GPALPP1: variants seen among roughly 807,000 people sequenced by gnomAD.
The protein encoded by GPALPP1 is GPALPP motifs-containing protein 1.
GPALPP1 carries 30 observed loss-of-function variants against 38.9 expected under a neutral mutation model. The observed-to-expected ratio is 0.77, with a 90% CI of 0.58 to 1.05. GPALPP1 has a LOEUF of 1.05. Among genes scored for constraint, GPALPP1 ranks in the 50% least tolerant of loss-of-function variants. The probability of loss-of-function intolerance (pLI) is 0.00; values close to 1 mark genes in which losing one functional copy is unlikely to be tolerated. For missense variants in GPALPP1, 384 were observed against 408.8 expected, an observed-to-expected ratio of 0.94 and a Z score of 0.52; for synonymous variants, 120 against 139.2, an observed-to-expected ratio of 0.86 and a Z score of 0.97.
chr13:45,031,889 G>C (rs528924080), downstream of GPALPP1: 2 of 152,124 alleles, frequency 1.3e-5, no homozygotes, highest in African/African-American at 4.8e-5. Flanking sequence ...ACATTTCTTG[G>C]CCAAGTGTCA....
In GPALPP1 at chr13:45,005,890, G is replaced by A. The variant is rs147084525; in HGVS notation, c.222-312G>A. ...AAAATACAAAAATTAGCTGGGCGTG[G>A]TGGCGCTTCCCTGTAATCCCAGCTA... On this transcript the variant is annotated intron_variant, in intron 2 of 7. Transcript: ENST00000379151. 1.9e-3 allele frequency among the ~76,000 whole-genome samples: 285 copies of A among 152,200 alleles called. 2 individuals are homozygous for A. Among genetic ancestry groups the A allele is most frequent in the African/African-American group, 6.6e-3 (275 of 41,536 alleles).
chr13:45,011,571 A>C (rs942588165), intron 4 of GPALPP1, among the ~76,000 whole-genome samples: 3 of 152,118 alleles, frequency 2.0e-5, no homozygotes, highest in African/African-American at 7.2e-5. Flanking sequence ...AAACCATCAG[A>C]TCTTGTGAGA....
chr13:45,026,716 A>C (rs903294319), intron 7 of GPALPP1, among the ~76,000 whole-genome samples: 34 of 152,310 alleles, frequency 2.2e-4, no homozygotes, highest in African/African-American at 8.2e-4. Flanking sequence ...CATTTCAATA[A>C]AAGGTAAAAT....
In GPALPP1 at chr13:45,004,388, G is replaced by A. The variant is rs749852854; in HGVS notation, c.172G>A (p.Glu58Lys). 17 of 1,607,962 alleles carry A rather than the reference G, an allele frequency of 1.1e-5. No individual in the cohort carries two copies. Among genetic ancestry groups the A allele is most frequent in the East Asian group, 2.2e-5 (1 of 44,828 alleles). Residue 58 changes from glutamate to lysine, a missense_variant, in exon 2 of 8, where the codon GAA (glutamate) becomes AAA (lysine). Coordinates refer to ENST00000379151, the MANE Select transcript of GPALPP1 (RefSeq NM_018559.5). Reference sequence around the variant, plus strand: ...CGATGAAGACAGTAGTTCTTTGTACGAAGAAGGAAATCAAGAATCTGAAGA... The same window carrying A: ...CGATGAAGACAGTAGTTCTTTGTACAAAGAAGGAAATCAAGAATCTGAAGA... ...DSDEDSSSLY[E>K]EGNQESEEDD...
intron 5 of GPALPP1, 21 bp from the exon 6 acceptor site, chr13:45,015,411 T>TTA: frequency 6.9e-7 from 1 of 1,457,558 alleles, no homozygotes; most frequent in South Asian, 1.3e-5. Context: ...TTCTATGCTG[T>TTA]GTTTTTTTTT....
At chr13:44,993,639 G>A (rs558982819) in intron 1 of GPALPP1, among the ~76,000 whole-genome samples, 3 of 150,432 alleles carry the variant, frequency 2.0e-5, no homozygotes, top group Admixed American at 6.6e-5. Flanking sequence ...CCGAGATCGC[G>A]CCACTGCACT....
intron 7 of GPALPP1, among the ~76,000 whole-genome samples, chr13:45,022,549 C>T (rs901376933): frequency 1.3e-5 from 2 of 152,116 alleles, no homozygotes; most frequent in East Asian, 1.9e-4. Flanking sequence ...TAATCTGAAG[C>T]CTGAAAGCTG....
downstream of GPALPP1, chr13:45,033,982 C>T (rs940927331): frequency 6.6e-6 from 1 of 152,020 alleles, no homozygotes; most frequent in African/African-American, 2.4e-5. Flanking sequence ...CTCTCTAACT[C>T]CCAAATTGAA....
intron 4 of GPALPP1, among the ~76,000 whole-genome samples, chr13:45,011,646 G>T (rs1402863596): frequency 1.3e-5 from 2 of 152,150 alleles, no homozygotes; most frequent in Admixed American, 1.3e-4. Flanking sequence ...TCTCCACCTG[G>T]TCCCTCCGAC....
At chr13:45,023,971 C>A (rs1029727926) in intron 7 of GPALPP1, among the ~76,000 whole-genome samples, 1 of 152,198 alleles carries the variant, frequency 6.6e-6, no homozygotes, top group Admixed American at 6.5e-5. Flanking sequence ...GGTTCCACAT[C>A]CCGTGGATCA....
intron 7 of GPALPP1, among the ~76,000 whole-genome samples, chr13:45,022,898 A>T (rs1875526817): frequency 6.6e-6 from 1 of 152,094 alleles, no homozygotes; most frequent in Non-Finnish European, 1.5e-5. Flanking sequence ...AAAATTAGCC[A>T]GGTCTGGTGG....
At chr13:45,010,696 C>A (rs981573577) in intron 4 of GPALPP1, among the ~76,000 whole-genome samples, 4 of 152,256 alleles carry the variant, frequency 2.6e-5, no homozygotes, top group Admixed American at 2.0e-4. Context: ...GAGAAAAAGT[C>A]TTTTTCAGCC....
intron 6 of GPALPP1, among the ~76,000 whole-genome samples, chr13:45,016,919 G>A (rs1175760966): frequency 4.6e-5 from 7 of 151,606 alleles, no homozygotes; most frequent in Non-Finnish European, 7.4e-5. Flanking sequence ...GGCGTGAGCC[G>A]CTGTGCGCAG....
At chr13:44,997,164 G>A (rs1243915529) in intron 1 of GPALPP1, among the ~76,000 whole-genome samples, 1 of 150,988 alleles carries the variant, frequency 6.6e-6, no homozygotes, top group Non-Finnish European at 1.5e-5. Flanking sequence ...GGTAGCAGGT[G>A]TCAGGATTAC....
At chr13:45,007,025 A>G (rs961773517) in intron 3 of GPALPP1, among the ~76,000 whole-genome samples, 1 of 152,058 alleles carries the variant, frequency 6.6e-6, no homozygotes, top group African/African-American at 2.4e-5. Flanking sequence ...TTCAAAGTTT[A>G]TAATCACATT....
At chr13:45,015,679 G>T (rs1363397166) in intron 6 of GPALPP1, 83 bp downstream of exon 6, 1 of 941,778 alleles carries the variant, frequency 1.1e-6, no homozygotes, top group Non-Finnish European at 1.5e-6. Flanking sequence ...ATTATTTAAG[G>T]GTACTATTTT....
At position 45,029,213 on chromosome 13, in the gene GPALPP1, A is replaced by T. The variant is rs1295401460; in HGVS notation, c.*1210A>T. 1 of 152,202 alleles carries T rather than the reference A, an allele frequency of 6.6e-6. No homozygotes were observed. Among genetic ancestry groups the T allele is most frequent in the East Asian group, 1.9e-4 (1 of 5,196 alleles). The allele number at this position is 152,202 out of a possible 1,614,324, so 9.4% of individuals were successfully genotyped here. A position where few individuals can be genotyped will look rare whatever the true frequency, so the allele number is the denominator to read the frequency against. On this transcript the variant is annotated 3_prime_UTR_variant, in exon 8 of 8. Coordinates refer to ENST00000379151, the MANE Select transcript of GPALPP1 (RefSeq NM_018559.5). ...TAAATTTAGAAATATTTTCCAACTTACTGAGTTTTCTTATTCTTACCTCAG... is the reference window on the plus strand; with the variant it reads ...TAAATTTAGAAATATTTTCCAACTTTCTGAGTTTTCTTATTCTTACCTCAG...
At chr13:45,004,714 C>T (rs1379286015) in intron 2 of GPALPP1, among the ~76,000 whole-genome samples, 1 of 152,182 alleles carries the variant, frequency 6.6e-6, no homozygotes, top group Admixed American at 6.6e-5. Context: ...GTGGCACGAT[C>T]TTGGCTCACT....
At chr13:45,032,792 T>C (rs1876264670), downstream of GPALPP1, among the ~76,000 whole-genome samples, 1 of 150,612 alleles carries the variant, frequency 6.6e-6, no homozygotes, top group Admixed American at 6.6e-5. Flanking sequence ...TTCTAGCACT[T>C]TGGGAGGCCA....
Sources: gnomAD v4.1 joint callset for allele counts (sites outside exome capture counted in the v4.1 genomes callset) on GRCh38, gnomAD v4.1.1 for gene constraint, MANE v1.5 for transcripts, NCBI Gene and HGNC (gene_info 2026-07-23, HGNC 2026-07-21) for gene names.